VAMP4: variants seen among roughly 807,000 people sequenced by gnomAD.
VAMP4 encodes the protein vesicle-associated membrane protein 4.
A neutral mutation model predicts 23.5 loss-of-function variants in VAMP4; 19 were observed. The observed-to-expected ratio is 0.81, with a 90% CI of 0.56 to 1.19. The LOEUF (loss-of-function observed/expected upper bound fraction) is 1.19. Ranked by LOEUF, VAMP4 falls within the 50% of genes most tolerant of loss-of-function variation. The probability of loss-of-function intolerance (pLI) is 0.00; values close to 1 mark genes in which losing one functional copy is unlikely to be tolerated. For synonymous variants in VAMP4, 31 were observed against 51.0 expected (o/e 0.61, Z 1.67); for missense variants, 145 against 168.6 (o/e 0.86, Z 0.78).
rs1482846380 is a variant in VAMP4, at chr1:171,701,113, A to G, written c.*3393T>C. The G allele has an allele frequency of 6.6e-6, 1 of 152,182 alleles. No homozygotes were observed. Among genetic ancestry groups the G allele is most frequent in the Admixed American group, 6.6e-5 (1 of 15,264 alleles). The allele number at this position is 152,182 out of a possible 1,614,324, so 9.4% of individuals were successfully genotyped here. The stretch of plus-strand genomic sequence containing the variant: ...CAAATTTCATTTGTCTACAACATGG[A>G]AAAAACAAGTTAAGAAGTAGAGCAC... On this transcript the variant is annotated 3_prime_UTR_variant, in exon 8 of 8. Transcript: ENST00000236192.
chr1:171,731,320 G>A (rs1254111696), intron 2 of VAMP4, among the ~76,000 whole-genome samples: 2 of 152,108 alleles, frequency 1.3e-5, no homozygotes, highest in African/African-American at 2.4e-5. Context: ...AATGTTAAAT[G>A]ACAAGTTAAT....
At chr1:171,709,536 A>C (rs1236223806) in intron 6 of VAMP4, 129 bp downstream of exon 6, 2 of 713,124 alleles carry the variant, frequency 2.8e-6, no homozygotes, top group Non-Finnish European at 4.7e-6. Flanking sequence ...CTGAATTTCT[A>C]CCATGTCTCA....
At chr1:171,721,605 C>A (rs1268937606) in intron 3 of VAMP4, among the ~76,000 whole-genome samples, 1 of 151,994 alleles carries the variant, frequency 6.6e-6, no homozygotes, top group Admixed American at 6.6e-5. Flanking sequence ...TCCTATACAC[C>A]AATAACAGAC....
chr1:171,723,221 A>G (rs947987940), intron 3 of VAMP4, among the ~76,000 whole-genome samples: 1 of 152,230 alleles, frequency 6.6e-6, no homozygotes, highest in Non-Finnish European at 1.5e-5. Context: ...GAGCAAGATC[A>G]CACGACTGGG....
At position 171,703,425 on chromosome 1, in the gene VAMP4, G is replaced by GTGTGTGTGTGTGTATA. The variant is rs1330620854; in HGVS notation, c.*1080_*1081insTATACACACACACACA. On this transcript the variant is annotated 3_prime_UTR_variant, in exon 8 of 8. Coordinates refer to ENST00000236192, the MANE Select transcript of VAMP4 (RefSeq NM_003762.5). ...TGTGTGTGTGTGTGTGTGTTTGTGT[G>GTGTGTGTGTGTGTATA]TATATATATATATATATATATATAT... The GTGTGTGTGTGTGTATA allele has an allele frequency of 1.2e-5, 1 of 80,674 alleles. No homozygotes were observed. The highest frequency in any genetic ancestry group is 4.8e-5 in the African/African-American group (1 of 20,922). The allele number at this position is 80,674 out of a possible 1,614,324, so 5.0% of individuals were successfully genotyped here.
intron 1 of VAMP4, among the ~76,000 whole-genome samples, chr1:171,741,186 C>T (rs560298890): frequency 7.4e-4 from 112 of 152,306 alleles, no homozygotes; most frequent in African/African-American, 2.4e-3. Flanking sequence ...TATACATCAG[C>T]ATATACTTAA....
intron 6 of VAMP4, among the ~76,000 whole-genome samples, chr1:171,707,387 C>T (rs1654692648): frequency 6.6e-6 from 1 of 152,180 alleles, no homozygotes. Context: ...AAATATAGGA[C>T]ATTTCCACCA....
intron 3 of VAMP4, among the ~76,000 whole-genome samples, chr1:171,723,528 A>T (rs1191303678): frequency 6.6e-6 from 1 of 152,198 alleles, no homozygotes; most frequent in East Asian, 1.9e-4. Context: ...TGCTTTTGTA[A>T]GAAGAGAAAT....
intron 3 of VAMP4, among the ~76,000 whole-genome samples, chr1:171,726,823 A>G (rs1655384230): frequency 6.6e-6 from 1 of 152,066 alleles, no homozygotes; most frequent in Admixed American, 6.6e-5. Context: ...GATGCCATCA[A>G]AATCAAAATT....
chr1:171,735,807 G>T (rs1655723087), intron 2 of VAMP4, among the ~76,000 whole-genome samples: 1 of 152,152 alleles, frequency 6.6e-6, no homozygotes, highest in African/African-American at 2.4e-5. Flanking sequence ...TTCACAATTG[G>T]TATCATTTAC....
intron 2 of VAMP4, among the ~76,000 whole-genome samples, chr1:171,729,517 G>C (rs1168267326): frequency 3.3e-5 from 5 of 152,152 alleles, no homozygotes; most frequent in Non-Finnish European, 7.4e-5. Flanking sequence ...ATTTTCCATT[G>C]TGGCATCATG....
In VAMP4 at chr1:171,703,425, G is replaced by GTGTA. The variant is rs1330620854; in HGVS notation, c.*1080_*1081insTACA. The GTGTA allele has an allele frequency of 4.6e-3, 369 of 80,534 alleles. No homozygotes were observed. The highest frequency in any genetic ancestry group is 8.3e-3 in the Middle Eastern group (1 of 120). 5.0% of individuals were successfully genotyped at this position (80,534 alleles called of 1,614,324 possible). A position where few individuals can be genotyped will look rare whatever the true frequency, so the allele number is the denominator to read the frequency against. ...TGTGTGTGTGTGTGTGTGTTTGTGT[G>GTGTA]TATATATATATATATATATATATAT... On this transcript the variant is annotated 3_prime_UTR_variant, in exon 8 of 8. Transcript: ENST00000236192.
chr1:171,708,037 T>G (rs11583530), intron 6 of VAMP4, among the ~76,000 whole-genome samples: 1 of 151,856 alleles, frequency 6.6e-6, no homozygotes, highest in Non-Finnish European at 1.5e-5. Flanking sequence ...TGGTGGCTCA[T>G]GCCTGTAATC....
At chr1:171,717,184 A>C (rs1655047124) in intron 4 of VAMP4, among the ~76,000 whole-genome samples, 1 of 152,176 alleles carries the variant, frequency 6.6e-6, no homozygotes, top group African/African-American at 2.4e-5. Context: ...CAGACAGGAA[A>C]CAGAGCATAC....
At chr1:171,719,251 T>C in intron 3 of VAMP4, 30 bp from the exon 4 acceptor site, 1 of 1,580,458 alleles carries the variant, frequency 6.3e-7, no homozygotes, top group Non-Finnish European at 8.7e-7. Flanking sequence ...AAGTACATAT[T>C]AGTAGTGACA....
chr1:171,736,471 G>C (rs922036062), intron 2 of VAMP4, among the ~76,000 whole-genome samples: 4 of 152,060 alleles, frequency 2.6e-5, no homozygotes, highest in African/African-American at 9.7e-5. Context: ...ATGGCATGGA[G>C]GAAAAGATAG....
chr1:171,705,279 G>A (rs927657112), intron 7 of VAMP4, among the ~76,000 whole-genome samples: 1 of 152,100 alleles, frequency 6.6e-6, no homozygotes, highest in Admixed American at 6.6e-5. Context: ...ACAAAAGTTT[G>A]CCTAATGTGT....
intron 3 of VAMP4, among the ~76,000 whole-genome samples, 180 bp downstream of exon 3, chr1:171,728,344 C>T (rs764739615): frequency 1.6e-4 from 24 of 152,114 alleles, no homozygotes; most frequent in Admixed American, 3.3e-4. Context: ...TAGTACCTAA[C>T]GTTATGTCAC....
chr1:171,731,428 A>T (rs568615915), intron 2 of VAMP4, among the ~76,000 whole-genome samples: 98 of 150,450 alleles, frequency 6.5e-4, no homozygotes, highest in Middle Eastern at 6.8e-3. Flanking sequence ...ATAATAATAA[A>T]AAAAACAGGA....
Sources: gnomAD v4.1 joint callset for allele counts (sites outside exome capture counted in the v4.1 genomes callset) on GRCh38, gnomAD v4.1.1 for gene constraint, MANE v1.5 for transcripts, NCBI Gene and HGNC (gene_info 2026-07-23, HGNC 2026-07-21) for gene names.